The following ODR4 variants were observed in gnomAD, a reference collection of about 807,000 sequenced individuals.
ODR4 encodes the protein protein odr-4 homolog.
ODR4 carries 47 observed loss-of-function variants against 60.2 expected under a neutral mutation model. That is an observed-to-expected ratio of 0.78 (90% CI 0.62 to 1.00). The LOEUF (loss-of-function observed/expected upper bound fraction) is 1.00. Among genes scored for constraint, ODR4 ranks in the 50% least tolerant of loss-of-function variants. The pLI is 0.00. For synonymous variants in ODR4, 178 were observed against 175.5 expected (o/e 1.01, Z -0.11); for missense variants, 488 against 530.8 (o/e 0.92, Z 0.79).
At chr1:186,418,384 G>T (rs936832011) in intron 13 of ODR4, among the ~76,000 whole-genome samples, 2 of 150,522 alleles carry the variant, frequency 1.3e-5, no homozygotes, top group Non-Finnish European at 3.0e-5. Flanking sequence ...TCCGCTTCCC[G>T]GGTTCACGCC....
At position 186,419,242 on chromosome 1, in the gene ODR4, G is replaced by T. The variant is rs1661695921; in HGVS notation, c.*166G>T. 1 of 645,130 alleles carries T rather than the reference G, an allele frequency of 1.6e-6. No individual in the cohort carries two copies. The highest frequency in any genetic ancestry group is 2.0e-5 in the South Asian group (1 of 51,056). 40.0% of individuals were successfully genotyped at this position (645,130 alleles called of 1,614,324 possible). A position where few individuals can be genotyped will look rare whatever the true frequency, so the allele number is the denominator to read the frequency against. On this transcript the variant is annotated 3_prime_UTR_variant, in exon 14 of 14. Coordinates refer to ENST00000287859, the MANE Select transcript of ODR4 (RefSeq NM_017847.6). ...TTAAAATGAAATCACAAGCTGCCTTGTTTAGCCTGCTTTACATTGTAGGTG... is the reference window on the plus strand; with the variant it reads ...TTAAAATGAAATCACAAGCTGCCTTTTTTAGCCTGCTTTACATTGTAGGTG...
At chr1:186,425,935 TCTC>T (rs2102111658), downstream of ODR4, among the ~76,000 whole-genome samples, 1 of 152,314 alleles carries the variant, frequency 6.6e-6, no homozygotes, top group African/African-American at 2.4e-5. Flanking sequence ...ATTTCTCTCT[TCTC>T]CTGTTTGATG....
Position 186,400,325 on chromosome 1 carries a change from C to T in ODR4, c.1000+1281C>T, listed in dbSNP as rs967121235. Among the ~76,000 whole-genome samples the T allele has an allele frequency of 7.3e-4, 110 of 151,322 alleles. 2 individuals carry two copies. The highest frequency in any genetic ancestry group is 2.5e-3 in the African/African-American group (105 of 41,232). ...TATTATTCTGATGTTAGTGGATTTG[C>T]AATTCACATTTAGATATGTACATAA... On this transcript the variant is annotated intron_variant, in intron 11 of 13. Transcript: ENST00000287859.
intron 3 of ODR4, among the ~76,000 whole-genome samples, 175 bp from the exon 4 acceptor site, chr1:186,385,810 TCTC>T (rs1660230269): frequency 6.6e-6 from 1 of 152,174 alleles, no homozygotes; most frequent in Admixed American, 6.5e-5. Flanking sequence ...CAGTCTTTGA[TCTC>T]CTGAGAAAAG....
chr1:186,425,113 T>C (rs1661861942), downstream of ODR4, among the ~76,000 whole-genome samples: 1 of 151,974 alleles, frequency 6.6e-6, no homozygotes, highest in Admixed American at 6.5e-5. Flanking sequence ...ATTATTTCAC[T>C]ACCTCCTAGG....
intron 12 of ODR4, among the ~76,000 whole-genome samples, chr1:186,410,687 A>AAC (rs1377039589): frequency 6.6e-6 from 1 of 152,226 alleles, no homozygotes; most frequent in Admixed American, 6.5e-5. Context: ...AGTAATCTAT[A>AAC]ATATACAGTA....
At chr1:186,399,746 C>A (rs1206733103) in intron 11 of ODR4, among the ~76,000 whole-genome samples, 2 of 151,896 alleles carry the variant, frequency 1.3e-5, no homozygotes, top group Non-Finnish European at 2.9e-5. Flanking sequence ...TTAGTAGGTA[C>A]TATTTATATA....
intron 12 of ODR4, among the ~76,000 whole-genome samples, chr1:186,407,592 T>C (rs188343387): frequency 6.6e-6 from 1 of 152,256 alleles, no homozygotes; most frequent in African/African-American, 2.4e-5. Context: ...CAGATTCTAT[T>C]CTTCTTTATT....
the ODR4 span, among the ~76,000 whole-genome samples, chr1:186,430,149 A>AGG: frequency 6.6e-6 from 1 of 152,040 alleles, no homozygotes. Context: ...ATTATTCATA[A>AGG]GGACACATAG....
At chr1:186,414,509 G>A (rs3131558) in intron 12 of ODR4, among the ~76,000 whole-genome samples, 95,330 of 150,840 alleles carry the variant, frequency 0.63, 30,134 homozygotes, top group Non-Finnish European at 0.65. Flanking sequence ...AAATATGGGG[G>A]AAAAAAACAA....
chr1:186,434,231 G>A, the ODR4 span, among the ~76,000 whole-genome samples: 1 of 152,010 alleles, frequency 6.6e-6, no homozygotes, highest in Admixed American at 6.5e-5. Flanking sequence ...ATTGATACTT[G>A]CTTAAAGAAT....
rs1571709053 is a variant in ODR4, at chr1:186,421,286, CTGT to C, written c.*2215_*2217del. 3.3e-5 allele frequency: 5 copies of C among 152,084 alleles called. No individual in the cohort carries two copies. Among genetic ancestry groups the C allele is most frequent in the Admixed American group, 1.3e-4 (2 of 15,274 alleles). The allele number at this position is 152,084 out of a possible 1,614,324, so 9.4% of individuals were successfully genotyped here. On this transcript the variant is annotated 3_prime_UTR_variant, in exon 14 of 14. Transcript: ENST00000287859. ...AATGATAAACATAAGTAAATTTAAA[CTGT>C]TGTTTGTATAAAACAATTATAATGA...
In ODR4 at chr1:186,421,093, A is replaced by G. The variant is rs1238249631; in HGVS notation, c.*2017A>G. The G allele has an allele frequency of 2.0e-5, 3 of 152,192 alleles. No individual in the cohort carries two copies. The highest frequency in any genetic ancestry group is 4.8e-5 in the African/African-American group (2 of 41,446). 9.4% of individuals were successfully genotyped at this position (152,192 alleles called of 1,614,324 possible). The stretch of plus-strand genomic sequence containing the variant: ...AGAGGGTAGAATTCTGAGAAAAACT[A>G]TTAGCTTAGAATTTGCAACAAGCGA... On this transcript the variant is annotated 3_prime_UTR_variant, in exon 14 of 14. Transcript: ENST00000287859.
intron 1 of ODR4, among the ~76,000 whole-genome samples, chr1:186,377,151 A>G (rs1234012567): frequency 6.6e-6 from 1 of 152,184 alleles, no homozygotes; most frequent in Non-Finnish European, 1.5e-5. Flanking sequence ...TACCTAATAC[A>G]ATGTAAATGC....
At chr1:186,376,661 A>C (rs1310640028) in intron 1 of ODR4, among the ~76,000 whole-genome samples, 6 of 152,214 alleles carry the variant, frequency 3.9e-5, no homozygotes, top group Non-Finnish European at 7.4e-5. Context: ...TCAACAGCGG[A>C]GCTTAAGGTT....
At chr1:186,417,308 C>A in intron 12 of ODR4, 2 of 373,658 alleles carry the variant, frequency 5.4e-6, no homozygotes, top group South Asian at 2.8e-5. Flanking sequence ...GCTGTGTGGC[C>A]CTCTGGTTTA....
chr1:186,386,190 A>C, intron 4 of ODR4, 107 bp downstream of exon 4: 1 of 609,790 alleles, frequency 1.6e-6, no homozygotes, highest in South Asian at 3.4e-5. Context: ...GTTTTCCATA[A>C]TTCTTTTTGT....
the ODR4 span, among the ~76,000 whole-genome samples, chr1:186,429,112 T>G: frequency 6.6e-6 from 1 of 152,012 alleles, no homozygotes; most frequent in African/African-American, 2.4e-5. Flanking sequence ...TAACTGGTTG[T>G]GGTTGGCACA....
intron 3 of ODR4, among the ~76,000 whole-genome samples, chr1:186,384,303 A>C (rs1455125338): frequency 6.7e-6 from 1 of 149,920 alleles, no homozygotes; most frequent in Non-Finnish European, 1.5e-5. Flanking sequence ...TTTTTTTTTT[A>C]ACAACCAGCT....
Sources: allele counts gnomAD v4.1 joint callset (sites outside exome capture counted in the v4.1 genomes callset), GRCh38; gene constraint gnomAD v4.1.1; transcripts MANE v1.5; gene names NCBI Gene and HGNC (gene_info 2026-07-23, HGNC 2026-07-21).